Variants in EGFLAM observed in about 807,000 individuals in gnomAD.
EGFLAM encodes the protein pikachurin.
Under a neutral mutation model 113.1 loss-of-function variants are expected in EGFLAM, and 79 were observed. The ratio of observed to expected loss-of-function variants is 0.70; its 90% confidence interval spans 0.58 to 0.84. The LOEUF is 0.84. EGFLAM is among the 40% of genes least tolerant of loss of function. EGFLAM has a pLI of 0.00. For missense variants in EGFLAM, 1,265 were observed against 1,291.6 expected (o/e 0.98, Z 0.32); for synonymous variants, 504 against 487.6 (o/e 1.03, Z -0.44).
chr5:38,416,618 C>A lies in EGFLAM; in HGVS notation c.1495-1448C>A, dbSNP rs550189328. Among the ~76,000 whole-genome samples the A allele has an allele frequency of 4.7e-4, 72 of 152,314 alleles. No homozygotes were observed. The South Asian group carries it at 0.015, about 31-fold the overall frequency. ...ACAGCAAAATAGCTACCCACCCCTA[C>A]AAGGCACTTTATGCTCTAGAAAAGG... is the stretch of plus-strand genomic sequence containing the variant. On this transcript the variant is annotated intron_variant, in intron 11 of 21. Transcript: ENST00000322350.
chr5:38,337,430 T>C, intron 1 of EGFLAM, 90 bp from the exon 2 acceptor site: 1 of 1,147,052 alleles, frequency 8.7e-7, no homozygotes, highest in East Asian at 2.7e-5. Flanking sequence ...GCTTTTCATC[T>C]GTTAGATAAT....
At chr5:38,270,065 C>T (rs577292539) in intron 1 of EGFLAM, among the ~76,000 whole-genome samples, 2 of 152,364 alleles carry the variant, frequency 1.3e-5, no homozygotes, top group South Asian at 2.1e-4. Flanking sequence ...CCAGGCTTCA[C>T]TTAGAAAGAC....
chr5:38,396,074 T>A (rs1228418718), intron 6 of EGFLAM, among the ~76,000 whole-genome samples: 1 of 152,178 alleles, frequency 6.6e-6, no homozygotes, highest in Non-Finnish European at 1.5e-5. Flanking sequence ...AAAAGCCTCC[T>A]ATTCATTCTT....
chr5:38,451,213 A>G lies in EGFLAM; in HGVS notation c.2544-102A>G, dbSNP rs1190100187. The G allele has an allele frequency of 2.7e-6, 4 of 1,490,174 alleles. No homozygotes were observed. The Admixed American group carries it at 5.6e-5, about 21-fold the overall frequency. 92.3% of individuals were successfully genotyped at this position (1,490,174 alleles called of 1,614,324 possible). On this transcript the variant is annotated intron_variant, in intron 18 of 21. Transcript: ENST00000322350. ...AGTAAGTGTCAGAAAGTGCCAGACT[A>G]TCCTTACATCTGGTTCCTCAGGGCT...
At chr5:38,449,673 CAT>C (rs1491568947) in intron 18 of EGFLAM, among the ~76,000 whole-genome samples, 21 of 146,930 alleles carry the variant, frequency 1.4e-4, no homozygotes, top group Admixed American at 4.7e-4. Context: ...TGTGCGCATG[CAT>C]GTGTGTGTGT....
chr5:38,390,950 T>C (rs1432738625), intron 6 of EGFLAM, among the ~76,000 whole-genome samples: 3 of 152,140 alleles, frequency 2.0e-5, no homozygotes, highest in African/African-American at 7.2e-5. Context: ...CTGTGACTTA[T>C]CTTTCATTTC....
In EGFLAM at chr5:38,463,973, G is replaced by C; in HGVS notation, c.3017G>C (p.Cys1006Ser). 1.2e-6 allele frequency: 2 copies of C among 1,614,212 alleles called. No individual in the cohort carries two copies. ...DAVDGKNINT[C>S]GAK ...GTGGATGGGAAAAACATCAACACTT[G>C]TGGAGCCAAGTAACACCAGCTGGCC... Residue 1006 changes from cysteine (C) to serine (S), a missense_variant, in exon 22 of 22, where the codon TGT becomes TCT. Cys to Ser is a moderately radical substitution (Grantham distance 112). Coordinates refer to ENST00000322350, the MANE Select transcript of EGFLAM (RefSeq NM_152403.4).
chr5:38,444,982 A>G (rs1434376640), intron 17 of EGFLAM, among the ~76,000 whole-genome samples: 1 of 152,202 alleles, frequency 6.6e-6, no homozygotes, highest in Non-Finnish European at 1.5e-5. Flanking sequence ...CAACATTTAA[A>G]CCAACTACAA....
At chr5:38,426,221 C>T (rs907405488) in intron 13 of EGFLAM, among the ~76,000 whole-genome samples, 4 of 151,864 alleles carry the variant, frequency 2.6e-5, no homozygotes, top group African/African-American at 9.7e-5. Flanking sequence ...ACTGTATATA[C>T]AGAGAGTATG....
intron 1 of EGFLAM, among the ~76,000 whole-genome samples, 195 bp from the exon 2 acceptor site, chr5:38,337,325 C>T (rs1167119825): frequency 6.6e-6 from 1 of 152,070 alleles, no homozygotes; most frequent in African/African-American, 2.4e-5. Flanking sequence ...TCTACTGATG[C>T]CAGGTTGGGA....
chr5:38,420,775 G>A (rs1182354385), intron 12 of EGFLAM, among the ~76,000 whole-genome samples: 7 of 152,168 alleles, frequency 4.6e-5, no homozygotes, highest in African/African-American at 1.7e-4. Flanking sequence ...AGTTGGGCAA[G>A]AACTGATTTC....
chr5:38,389,666 T>C (rs6879468), intron 6 of EGFLAM, among the ~76,000 whole-genome samples: 43,324 of 152,044 alleles, frequency 0.28, 7,351 homozygotes, highest in African/African-American at 0.47. Flanking sequence ...TTCCCCAGCC[T>C]GGATAAGTTT....
intron 6 of EGFLAM, among the ~76,000 whole-genome samples, chr5:38,388,319 G>C (rs900708842): frequency 6.6e-6 from 1 of 152,070 alleles, no homozygotes; most frequent in African/African-American, 2.4e-5. Flanking sequence ...CTTAATGTCC[G>C]ATCAAAAAAT....
At position 38,348,199 on chromosome 5, in the gene EGFLAM, A is replaced by G. The variant is rs917706716; in HGVS notation, c.292-2302A>G. 2.6e-5 allele frequency among the ~76,000 whole-genome samples: 4 copies of G among 152,272 alleles called. No individual in the cohort carries two copies. In the East Asian group the frequency reaches 7.7e-4, roughly 29 times the overall value. Reference sequence around the variant, plus strand: ...GGGTAGATGTTCAAGAGGCCCTCACAAATCCATGCCTGGAGACCAGGAGGC... The same window carrying G: ...GGGTAGATGTTCAAGAGGCCCTCACGAATCCATGCCTGGAGACCAGGAGGC... On this transcript the variant is annotated intron_variant, in intron 3 of 21. Transcript: ENST00000322350.
intron 10 of EGFLAM, among the ~76,000 whole-genome samples, chr5:38,410,010 C>T (rs1579889158): frequency 6.6e-6 from 1 of 152,188 alleles, no homozygotes; most frequent in Admixed American, 6.5e-5. Context: ...CAACCCCCTG[C>T]TGCCTGACCT....
chr5:38,367,132 G>C (rs1158075007), intron 5 of EGFLAM, among the ~76,000 whole-genome samples: 1 of 152,024 alleles, frequency 6.6e-6, no homozygotes, highest in Non-Finnish European at 1.5e-5. Flanking sequence ...CCCTGCTGGT[G>C]GCTGCCCATG....
intron 5 of EGFLAM, among the ~76,000 whole-genome samples, chr5:38,355,111 G>T (rs1739732304): frequency 6.6e-6 from 1 of 152,206 alleles, no homozygotes; most frequent in Admixed American, 6.5e-5. Flanking sequence ...GAATGAGAGA[G>T]TGGGGAGAAT....
At chr5:38,329,028 C>A (rs1200779889) in intron 1 of EGFLAM, among the ~76,000 whole-genome samples, 1 of 151,928 alleles carries the variant, frequency 6.6e-6, no homozygotes, top group African/African-American at 2.4e-5. Context: ...TGGCTCATGC[C>A]GTAATCCCAC....
Position 38,258,819 on chromosome 5 carries a change from C to G in EGFLAM, c.65C>G (p.Ala22Gly), listed in dbSNP as rs766998851. The G allele has an allele frequency of 3.7e-6, 6 of 1,612,060 alleles. No individual in the cohort carries two copies. Among genetic ancestry groups the G allele is most frequent in the South Asian group, 3.3e-5 (3 of 91,036 alleles). The change falls in exon 1 of 22, where the codon GCG becomes GGG. Residue 22 changes from alanine to glycine, a missense_variant. Physicochemically the swap from Ala to Gly is moderately conservative, Grantham distance 60. Transcript: ENST00000322350. ...LLLASSLGPGAVSLRAAIRKP... is the reference protein window; with the variant it reads ...LLLASSLGPGGVSLRAAIRKP... Reference sequence around the variant, plus strand: ...CTGGCTTCCAGCCTCGGACCCGGCGCGGTGTCGCTCCGAGCGGCCATCCGA... The same window carrying G: ...CTGGCTTCCAGCCTCGGACCCGGCGGGGTGTCGCTCCGAGCGGCCATCCGA...
Sources: gnomAD v4.1 joint callset for allele counts (sites outside exome capture counted in the v4.1 genomes callset) on GRCh38, gnomAD v4.1.1 for gene constraint, MANE v1.5 for transcripts, NCBI Gene and HGNC (gene_info 2026-07-23, HGNC 2026-07-21) for gene names.